SYNPO2: variants seen among roughly 807,000 people sequenced by gnomAD.
The protein encoded by SYNPO2 is synaptopodin 2.
In SYNPO2, 56 loss-of-function variants were observed where a neutral mutation model predicts 85.0. The observed-to-expected ratio is 0.66, with a 90% CI of 0.53 to 0.82. The LOEUF (loss-of-function observed/expected upper bound fraction) is 0.82, where lower values mean the gene tolerates loss of function less well. Among genes scored for constraint, SYNPO2 ranks in the 40% least tolerant of loss-of-function variants. The probability of loss-of-function intolerance (pLI) is 0.00; values close to 1 mark genes in which losing one functional copy is unlikely to be tolerated. For synonymous variants in SYNPO2, 602 were observed against 591.1 expected (o/e 1.02, Z -0.27); for missense variants, 1,575 against 1,534.2 (o/e 1.03, Z -0.44).
At position 119,026,636 on chromosome 4, in the gene SYNPO2, T is replaced by TG; in HGVS notation, c.269dup (p.Ile91AsnfsTer3). 6.2e-7 allele frequency: 1 copy of TG among 1,601,838 alleles called. No individual in the cohort carries two copies. Among genetic ancestry groups the TG allele is most frequent in the South Asian group, 1.1e-5 (1 of 88,816 alleles). On this transcript the variant is annotated frameshift_variant, in exon 3 of 5. Transcript: ENST00000307142. LOFTEE classifies it high-confidence loss of function. Reference sequence around the variant, plus strand: ...ATTTTTCTGTGTGCAGACCATCCAGTGGAATAAGTGAGGCTTTGATATCTG... The same window carrying TG: ...ATTTTTCTGTGTGCAGACCATCCAGTGGGAATAAGTGAGGCTTTGATATCTG...
chr4:118,862,468 T>C (rs936107663), intron 1 of SYNPO2, among the ~76,000 whole-genome samples: 6 of 152,232 alleles, frequency 3.9e-5, no homozygotes, highest in African/African-American at 1.4e-4. Flanking sequence ...GGATCTATCA[T>C]ACATAGCTTT....
chr4:118,860,766 A>G (rs1731594751), intron 1 of SYNPO2, among the ~76,000 whole-genome samples: 1 of 152,078 alleles, frequency 6.6e-6, no homozygotes, highest in Admixed American at 6.6e-5. Context: ...CATGTTGGTC[A>G]GGATGGTTTC....
rs376314570 is a variant in SYNPO2, at chr4:118,852,695, C to A, written c.12+1755C>A. Among the ~76,000 whole-genome samples, 112 of 152,200 alleles carry A rather than the reference C, an allele frequency of 7.4e-4. 1 individual carries two copies. Among genetic ancestry groups the A allele is most frequent in the African/African-American group, 2.5e-3 (105 of 41,526 alleles). On this transcript the variant is annotated intron_variant, in intron 1 of 4. Coordinates refer to the SYNPO2 transcript ENST00000610556. ...GAACACATGGACACATAGAGGGGAA[C>A]AACACACACTGGGGCCTATTGGAGG...
chr4:118,994,769 T>G lies in SYNPO2; in HGVS notation c.106-28661T>G, dbSNP rs116805809. ...CTTGGACATCTAAAGTTAAAAATCG[T>G]AGGTGTTATAGAAAAAGATCTTTGT... On this transcript the variant is annotated intron_variant, in intron 1 of 4. Coordinates refer to ENST00000307142, the MANE Select transcript of SYNPO2 (RefSeq NM_133477.3). 7.3e-3 allele frequency among the ~76,000 whole-genome samples: 1,119 copies of G among 152,292 alleles called. 15 individuals are homozygous for G. The highest frequency in any genetic ancestry group is 0.025 in the African/African-American group (1,055 of 41,568).
At chr4:118,982,524 G>T (rs913970311) in intron 1 of SYNPO2, among the ~76,000 whole-genome samples, 1 of 152,088 alleles carries the variant, frequency 6.6e-6, no homozygotes, top group Non-Finnish European at 1.5e-5. Context: ...AGAGAAGGAG[G>T]ATGGTATGCC....
chr4:119,055,878 C>G (rs1739190555), intron 4 of SYNPO2, among the ~76,000 whole-genome samples: 2 of 152,046 alleles, frequency 1.3e-5, no homozygotes, highest in South Asian at 4.2e-4. Context: ...AATGAACCAT[C>G]TACCTTCTTT....
intron 1 of SYNPO2, among the ~76,000 whole-genome samples, chr4:118,853,432 G>A (rs902797485): frequency 3.3e-5 from 5 of 151,880 alleles, no homozygotes; most frequent in African/African-American, 4.8e-5. Flanking sequence ...ACAAAATGTC[G>A]GCATGAATTT....
chr4:118,977,036 G>A (rs557316224), intron 1 of SYNPO2, among the ~76,000 whole-genome samples: 1 of 152,244 alleles, frequency 6.6e-6, no homozygotes, highest in African/African-American at 2.4e-5. Context: ...TGCCAGTCCG[G>A]CGCCGTGCGC....
chr4:118,953,909 A>G (rs1734778848), intron 1 of SYNPO2, among the ~76,000 whole-genome samples: 1 of 152,170 alleles, frequency 6.6e-6, no homozygotes. Context: ...TGAGGAATAG[A>G]TCAGAATGCA....
chr4:119,032,927 A>C lies in SYNPO2; in HGVS notation c.3252+900A>C, dbSNP rs184748853. ...GAAGGATAATTATCTTTAAAGGTTGATTCCCACCCTCCCTCCCCAGTTACT... is the reference window on the plus strand; with the variant it reads ...GAAGGATAATTATCTTTAAAGGTTGCTTCCCACCCTCCCTCCCCAGTTACT... On this transcript the variant is annotated intron_variant, in intron 4 of 4. Coordinates refer to ENST00000307142, the MANE Select transcript of SYNPO2 (RefSeq NM_133477.3). The C allele has an allele frequency of 1.5e-5, 14 of 927,054 alleles. No homozygotes were observed. In the African/African-American group the frequency reaches 2.5e-4, roughly 17 times the overall value. The allele number at this position is 927,054 out of a possible 1,614,324, so 57.4% of individuals were successfully genotyped here. A position where few individuals can be genotyped will look rare whatever the true frequency, so the allele number is the denominator to read the frequency against.
intron 1 of SYNPO2, among the ~76,000 whole-genome samples, chr4:118,975,559 C>T (rs879578458): frequency 2.0e-5 from 3 of 152,136 alleles, no homozygotes; most frequent in Non-Finnish European, 4.4e-5. Context: ...AGGACTTTCA[C>T]CCCCAGGAAG....
chr4:118,901,991 G>A (rs1257086694), intron 1 of SYNPO2, among the ~76,000 whole-genome samples: 2 of 151,850 alleles, frequency 1.3e-5, no homozygotes, highest in Non-Finnish European at 2.9e-5. Context: ...GGGTTCTAAA[G>A]GTACAGGAGC....
At chr4:119,050,491 C>G (rs113130490) in intron 4 of SYNPO2, among the ~76,000 whole-genome samples, 3 of 152,298 alleles carry the variant, frequency 2.0e-5, no homozygotes, top group Non-Finnish European at 4.4e-5. Flanking sequence ...TTCTTCAAAT[C>G]TCACTATCCT....
At chr4:118,870,644 A>G (rs1001758949) in intron 1 of SYNPO2, among the ~76,000 whole-genome samples, 3 of 152,192 alleles carry the variant, frequency 2.0e-5, no homozygotes, top group Admixed American at 6.5e-5. Context: ...ACTAATTTAC[A>G]TTTCCACCAA....
chr4:118,977,196 T>G (rs557260541), intron 1 of SYNPO2, among the ~76,000 whole-genome samples: 1 of 152,050 alleles, frequency 6.6e-6, no homozygotes, highest in Admixed American at 6.5e-5. Context: ...GCCTGCCCCG[T>G]GGGAAGGCAG....
At chr4:118,999,099 T>G (rs1414577766) in intron 1 of SYNPO2, among the ~76,000 whole-genome samples, 1 of 152,224 alleles carries the variant, frequency 6.6e-6, no homozygotes, top group Non-Finnish European at 1.5e-5. Context: ...AGATAATGTA[T>G]GTAAAGTGAA....
At chr4:118,977,251 C>T (rs1310074689) in intron 1 of SYNPO2, among the ~76,000 whole-genome samples, 2 of 152,242 alleles carry the variant, frequency 1.3e-5, no homozygotes, top group African/African-American at 4.8e-5. Context: ...TGGGCCAGCA[C>T]TGCTGGGGGA....
chr4:118,898,006 A>G (rs1732602816), intron 1 of SYNPO2, among the ~76,000 whole-genome samples: 1 of 152,224 alleles, frequency 6.6e-6, no homozygotes, highest in South Asian at 2.1e-4. Flanking sequence ...AATTTAGGAA[A>G]TAAAATAGAA....
At chr4:119,012,393 T>A (rs150964132) in intron 1 of SYNPO2, among the ~76,000 whole-genome samples, 2,338 of 130,758 alleles carry the variant, frequency 0.018, 55 homozygotes, top group African/African-American at 0.05. Flanking sequence ...TTTTTTTTTT[T>A]ATTTTACTTT....
Sources: allele counts gnomAD v4.1 joint callset (sites outside exome capture counted in the v4.1 genomes callset), GRCh38; gene constraint gnomAD v4.1.1; transcripts MANE v1.5; gene names NCBI Gene and HGNC (gene_info 2026-07-23, HGNC 2026-07-21).